Variants in ERCC8 observed in about 807,000 individuals in gnomAD.
ERCC8 encodes DNA excision repair protein ERCC-8.
Under a neutral mutation model 54.9 loss-of-function variants are expected in ERCC8, and 52 were observed. The ratio of observed to expected loss-of-function variants is 0.95; its 90% CI spans 0.76 to 1.19. ERCC8 has a LOEUF of 1.19. ERCC8 is among the 50% of genes most tolerant of loss of function. The probability of loss-of-function intolerance (pLI) is 0.00; values close to 1 mark genes in which losing one functional copy is unlikely to be tolerated. For synonymous variants in ERCC8, 146 were observed against 157.2 expected, an observed-to-expected ratio of 0.93 and a Z score of 0.53; for missense variants, 514 against 466.1, an observed-to-expected ratio of 1.10 and a Z score of -0.95.
At position 60,899,408 on chromosome 5, in the gene ERCC8, T is replaced by G. The variant is rs116180524; in HGVS notation, c.718+219A>C. 5.7e-3 allele frequency among the ~76,000 whole-genome samples: 860 copies of G among 152,060 alleles called. 10 individuals are homozygous for G. The highest frequency in any genetic ancestry group is 0.02 in the African/African-American group (831 of 41,512). On this transcript the variant is annotated intron_variant, in intron 8 of 11. Transcript: ENST00000676185. Reference sequence around the variant, plus strand: ...TCACAAAAATTTCTACTTTTGAAAATTTGGGGGCAAATGAAACTGCCATTT... The same window carrying G: ...TCACAAAAATTTCTACTTTTGAAAAGTTGGGGGCAAATGAAACTGCCATTT...
At chr5:60,876,023 C>A (rs971523820) in intron 11 of ERCC8, among the ~76,000 whole-genome samples, 1 of 151,410 alleles carries the variant, frequency 6.6e-6, no homozygotes, top group African/African-American at 2.4e-5. Flanking sequence ...TGCTATCCCT[C>A]CCCCCTACCC....
intron 3 of ERCC8, among the ~76,000 whole-genome samples, chr5:60,920,444 TTC>T (rs1749569463): frequency 6.6e-6 from 1 of 151,962 alleles, no homozygotes; most frequent in Non-Finnish European, 1.5e-5. Flanking sequence ...ACTATATATG[TTC>T]TGTTATTTTC....
intron 2 of ERCC8, among the ~76,000 whole-genome samples, chr5:60,928,128 G>A (rs933579613): frequency 2.0e-5 from 3 of 152,168 alleles, no homozygotes; most frequent in Non-Finnish European, 4.4e-5. Flanking sequence ...CCACATGAAA[G>A]GTTTTGTACG....
intron 10 of ERCC8, among the ~76,000 whole-genome samples, chr5:60,888,143 T>A (rs1159031293): frequency 6.6e-6 from 1 of 152,222 alleles, no homozygotes; most frequent in Non-Finnish European, 1.5e-5. Flanking sequence ...ATTGGCTTTT[T>A]TCCTCTGCTG....
Position 60,928,904 on chromosome 5 carries a change from C to T in ERCC8, c.133G>A (p.Gly45Arg). ...GGTTCAATGTCAAGGGTGTTAATTC[C>T]ACCGCCGTGGATTCTTTCAACATCT... Reference protein sequence around the residue: ...DRDVERIHGGGINTLDIEPVE... With the variant: ...DRDVERIHGGRINTLDIEPVE... Residue 45 changes from glycine to arginine, a missense_variant, in exon 2 of 12, where the codon GGA becomes AGA. Physicochemically the swap from Gly to Arg is moderately radical, Grantham distance 125 (BLOSUM62 -2). Coordinates refer to ENST00000676185, the MANE Select transcript of ERCC8 (RefSeq NM_000082.4). 6.2e-7 allele frequency: 1 copy of T among 1,609,652 alleles called. No homozygotes were observed. The highest frequency in any genetic ancestry group is 1.1e-5 in the South Asian group (1 of 90,768).
intron 11 of ERCC8, among the ~76,000 whole-genome samples, chr5:60,876,819 A>G (rs56702003): frequency 2.6e-5 from 4 of 152,154 alleles, no homozygotes; most frequent in Non-Finnish European, 5.9e-5. Context: ...ATTTTCTCCC[A>G]TTCTGTAGGT....
intron 9 of ERCC8, 76 bp downstream of exon 9, chr5:60,898,200 T>C: frequency 1.4e-6 from 2 of 1,456,504 alleles, no homozygotes; most frequent in South Asian, 1.2e-5. Flanking sequence ...ATGAGTTAAA[T>C]ATATAAAAAA....
chr5:60,874,028 T>C lies in ERCC8; in HGVS notation c.*587A>G, dbSNP rs1032531648. The C allele has an allele frequency of 2.0e-5, 3 of 152,138 alleles. No individual in the cohort carries two copies. Among genetic ancestry groups the C allele is most frequent in the Admixed American group, 1.3e-4 (2 of 15,276 alleles). 9.4% of individuals were successfully genotyped at this position (152,138 alleles called of 1,614,324 possible). ...AAGCAAACATGGGATTTTCACAAAG[T>C]TAAAAGCCTCCTGTGATGCACATTT... On this transcript the variant is annotated 3_prime_UTR_variant, in exon 12 of 12. Coordinates refer to ENST00000676185, the MANE Select transcript of ERCC8 (RefSeq NM_000082.4).
At chr5:60,944,587 G>A (rs1750367301) in intron 1 of ERCC8, among the ~76,000 whole-genome samples, 1 of 152,162 alleles carries the variant, frequency 6.6e-6, no homozygotes, top group Non-Finnish European at 1.5e-5. Flanking sequence ...CAGACTGAAT[G>A]AATGAACGAG....
chr5:60,938,385 C>T (rs1326979895), intron 1 of ERCC8, among the ~76,000 whole-genome samples: 6 of 137,220 alleles, frequency 4.4e-5, no homozygotes, highest in African/African-American at 1.1e-4. Context: ...GACGGAGTCT[C>T]GCTCTGTCGC....
chr5:60,927,770 T>C (rs1039293751), intron 2 of ERCC8, among the ~76,000 whole-genome samples: 3 of 152,172 alleles, frequency 2.0e-5, no homozygotes, highest in African/African-American at 7.2e-5. Flanking sequence ...TAGAAGGTGT[T>C]ACACTGAGCC....
At position 60,876,984 on chromosome 5, in the gene ERCC8, G is replaced by A. The variant is rs567491516; in HGVS notation, c.1123-2301C>T. Among the ~76,000 whole-genome samples, 86 of 152,178 alleles carry A rather than the reference G, an allele frequency of 5.7e-4. 1 individual carries two copies. The South Asian group carries it at 0.016, about 28-fold the overall frequency. On this transcript the variant is annotated intron_variant, in intron 11 of 11. Transcript: ENST00000676185. ...CCTATGTCCTGAATGGTAATGCCTAGGTTTTCTTCTGGGGTTTTTATGGTT... is the reference window on the plus strand; with the variant it reads ...CCTATGTCCTGAATGGTAATGCCTAAGTTTTCTTCTGGGGTTTTTATGGTT...
intron 6 of ERCC8, among the ~76,000 whole-genome samples, chr5:60,902,834 T>C (rs977648700): frequency 6.6e-6 from 1 of 152,028 alleles, no homozygotes; most frequent in Non-Finnish European, 1.5e-5. Context: ...ATAAAACATA[T>C]AAGATAAACA....
intron 7 of ERCC8, among the ~76,000 whole-genome samples, chr5:60,900,405 G>A (rs1182315629): frequency 6.6e-6 from 1 of 151,938 alleles, no homozygotes; most frequent in Non-Finnish European, 1.5e-5. Flanking sequence ...GCAATCCGAC[G>A]TGCTCCTAAT....
chr5:60,913,768 G>A (rs985026909), intron 4 of ERCC8, among the ~76,000 whole-genome samples: 1 of 152,028 alleles, frequency 6.6e-6, no homozygotes, highest in African/African-American at 2.4e-5. Context: ...CTTTAAATGT[G>A]TCCCAGAGAT....
intron 2 of ERCC8, among the ~76,000 whole-genome samples, chr5:60,926,805 A>G (rs1188284439): frequency 6.6e-6 from 1 of 152,216 alleles, no homozygotes; most frequent in Non-Finnish European, 1.5e-5. Flanking sequence ...CAGATGTATT[A>G]TCAATATAAA....
intron 11 of ERCC8, among the ~76,000 whole-genome samples, chr5:60,885,512 A>T (rs1401029010): frequency 6.6e-6 from 1 of 152,182 alleles, no homozygotes; most frequent in Non-Finnish European, 1.5e-5. Flanking sequence ...CACAATAATT[A>T]CATAAAGAAA....
At chr5:60,876,544 G>C (rs1748014329) in intron 11 of ERCC8, among the ~76,000 whole-genome samples, 1 of 152,166 alleles carries the variant, frequency 6.6e-6, no homozygotes, top group African/African-American at 2.4e-5. Flanking sequence ...AGCACCTGTT[G>C]TTCCCTGACT....
intron 4 of ERCC8, 65 bp from the exon 5 acceptor site, chr5:60,904,938 T>C: frequency 1.2e-6 from 1 of 846,126 alleles, no homozygotes; most frequent in South Asian, 1.5e-5. Flanking sequence ...ATAAATTTTC[T>C]ATTTACTTTT....
Sources: allele counts gnomAD v4.1 joint callset (sites outside exome capture counted in the v4.1 genomes callset), GRCh38; gene constraint gnomAD v4.1.1; transcripts MANE v1.5; gene names NCBI Gene and HGNC (gene_info 2026-07-23, HGNC 2026-07-21).